The following HK3 variants were observed in gnomAD, a reference collection of about 807,000 sequenced individuals.
The protein encoded by HK3 is hexokinase 3.
Under a neutral mutation model 91.0 loss-of-function variants are expected in HK3, and 93 were observed. That is an observed-to-expected ratio of 1.02 (90% CI 0.86 to 1.21). The LOEUF is 1.21. Ranked by LOEUF, HK3 falls within the 50% of genes most tolerant of loss-of-function variation. The pLI is 0.00. For missense variants in HK3, 1,235 were observed against 1,247.4 expected (o/e 0.99, Z 0.15); for synonymous variants, 519 against 516.9 (o/e 1.00, Z -0.06).
intron 2 of HK3, among the ~76,000 whole-genome samples, 190 bp from the exon 3 acceptor site, chr5:176,891,740 CCTT>C (rs1758781464): frequency 6.6e-6 from 1 of 152,162 alleles, no homozygotes; most frequent in Non-Finnish European, 1.5e-5. Flanking sequence ...AGAGAACCCA[CCTT>C]CTTCCTCCTC....
intron 1 of HK3, among the ~76,000 whole-genome samples, chr5:176,898,741 C>A (rs532645923): frequency 6.6e-6 from 1 of 152,298 alleles, no homozygotes; most frequent in South Asian, 2.1e-4. Flanking sequence ...TGCCTAAGGG[C>A]CCCGTGGCTT....
At chr5:176,896,294 G>C in intron 1 of HK3, 109 bp from the exon 2 acceptor site, 2 of 525,764 alleles carry the variant, frequency 3.8e-6, no homozygotes, top group Non-Finnish European at 6.7e-6. Context: ...AAGGAAGCTG[G>C]GAGCAGAATT....
intron 8 of HK3, 30 bp from the exon 9 acceptor site, chr5:176,888,894 C>A: frequency 3.1e-6 from 5 of 1,604,848 alleles, no homozygotes; most frequent in Non-Finnish European, 4.3e-6. Flanking sequence ...CTGGAGGAAG[C>A]CTTTTCTAAG....
intron 15 of HK3, 61 bp from the exon 16 acceptor site, chr5:176,882,188 A>G: frequency 6.4e-7 from 1 of 1,561,890 alleles, no homozygotes; most frequent in Middle Eastern, 1.8e-4. Context: ...CCCTCTGAGC[A>G]CTTCCCATAC....
rs1208452633 is a variant in HK3 at position 176,887,115 on chromosome 5, C to G, written c.1744G>C (p.Asp582His). ...TCCACGATGCAGTCCACGATGTGGT[C>G]AAAGAGCTGTGGGGCAGGACAGGTC... ...VAQGSGQQLFDHIVDCIVDFQ... is the reference protein window; with the variant it reads ...VAQGSGQQLFHHIVDCIVDFQ... The change falls in exon 13 of 19, where the codon GAC becomes CAC. Residue 582 changes from aspartate to histidine, a missense_variant. By Grantham distance (81) the Asp-to-His change is moderately conservative. Coordinates refer to ENST00000292432, the MANE Select transcript of HK3 (RefSeq NM_002115.3). This position sits in a 1 kb window ranked among gnomAD's most constrained non-coding sequence, Gnocchi z 4.9. 1 of 1,614,052 alleles carries G rather than the reference C, an allele frequency of 6.2e-7. No individual in the cohort carries two copies. The highest frequency in any genetic ancestry group is 1.3e-5 in the African/African-American group (1 of 74,948).
intron 2 of HK3, among the ~76,000 whole-genome samples, chr5:176,892,075 C>G (rs959602545): frequency 1.3e-5 from 2 of 152,136 alleles, no homozygotes; most frequent in Non-Finnish European, 2.9e-5. Flanking sequence ...TCATCCTTCC[C>G]AAAACATTGC....
intron 1 of HK3, among the ~76,000 whole-genome samples, chr5:176,898,015 G>C (rs991387130): frequency 6.6e-6 from 1 of 152,070 alleles, no homozygotes. Flanking sequence ...TCACTCACAC[G>C]GCCGTTCGGG....
chr5:176,889,309 C>G (rs1758694436), intron 8 of HK3, 72 bp downstream of exon 8: 2 of 1,505,866 alleles, frequency 1.3e-6, no homozygotes, highest in African/African-American at 2.8e-5. Flanking sequence ...AGAACAGGGA[C>G]AGAAGGGGTT....
In HK3 at chr5:176,887,555, G is replaced by A. The variant is rs755546220; in HGVS notation, c.1496C>T (p.Ala499Val). ...PFRLNHDQLA[A>V]VQAQMRKAMA... ...GGCCTTCCGCATCTGTGCCTGAACC[G>A]CAGCCAGTTGATCATGGTTCAACCG... Residue 499 changes from alanine (A) to valine (V), a missense_variant, in exon 11 of 19, where the codon GCG (alanine) becomes GTG (valine). Coordinates refer to ENST00000292432, the MANE Select transcript of HK3 (RefSeq NM_002115.3). This position sits in a 1 kb window ranked among gnomAD's most constrained non-coding sequence, Gnocchi z 4.9. The A allele has an allele frequency of 9.2e-5, 149 of 1,613,742 alleles. No homozygotes were observed. The highest frequency in any genetic ancestry group is 1.6e-4 in the East Asian group (7 of 44,880).
At chr5:176,888,204 G>C (rs1758653637) in intron 10 of HK3, 128 bp downstream of exon 10, 2 of 756,054 alleles carry the variant, frequency 2.6e-6, no homozygotes, top group Non-Finnish European at 4.5e-6. Flanking sequence ...GCTCAGTCTG[G>C]CCCTCCCTCT....
At chr5:176,889,786 GCCAGAGGAGGGAAT>G in intron 6 of HK3, 42 bp from the exon 7 acceptor site, 2 of 1,565,520 alleles carry the variant, frequency 1.3e-6, no homozygotes, top group Non-Finnish European at 1.8e-6. Flanking sequence ...GGCCTGAGTG[GCCAGAGGAGGGAAT>G]CCAGGGGATG....
In HK3 at chr5:176,887,190, G is replaced by A. The variant is rs755607116; in HGVS notation, c.1737+11C>T. 1 of 1,614,196 alleles carries A rather than the reference G, an allele frequency of 6.2e-7. No homozygotes were observed. The highest frequency in any genetic ancestry group is 8.5e-7 in the Non-Finnish European group (1 of 1,180,040). On this transcript the variant is annotated intron_variant, in intron 12 of 18. Coordinates refer to ENST00000292432, the MANE Select transcript of HK3 (RefSeq NM_002115.3). This position sits in a 1 kb window ranked among gnomAD's most constrained non-coding sequence, Gnocchi z 4.9. ...CCCCACCTCTGACATCAAGGTTCAGGCTGTGGGTACCTGCTGCCCAGAACC... is the reference window on the plus strand; with the variant it reads ...CCCCACCTCTGACATCAAGGTTCAGACTGTGGGTACCTGCTGCCCAGAACC...
intron 2 of HK3, 34 bp from the exon 3 acceptor site, chr5:176,891,584 C>A: frequency 6.3e-7 from 1 of 1,588,288 alleles, no homozygotes; most frequent in South Asian, 1.2e-5. Flanking sequence ...TGGGAAGGAG[C>A]ACCATTGGGC....
At chr5:176,885,546 C>T (rs771086759) in intron 13 of HK3, among the ~76,000 whole-genome samples, 16 of 151,984 alleles carry the variant, frequency 1.1e-4, no homozygotes, top group Non-Finnish European at 2.1e-4. Flanking sequence ...CTCAGCCTCC[C>T]GAGTAGCTGG....
Position 176,890,711 on chromosome 5 carries a change from G to C in HK3, c.554C>G (p.Thr185Ser), listed in dbSNP as rs746216187. ...CACACCACTGCACCTAAAACCTTTG[G>C]TCCAGGAAATGAGGGTGCTCTGGAG... is the stretch of plus-strand genomic sequence containing the variant. Reference protein sequence around the residue: ...GLDRSTLISWTKGFRCSGVEG... With the variant: ...GLDRSTLISWSKGFRCSGVEG... The change falls in exon 6 of 19, where the codon ACC becomes AGC. Residue 185 changes from threonine (T) to serine (S), a missense_variant. Transcript: ENST00000292432. The C allele has an allele frequency of 1.4e-5, 23 of 1,614,026 alleles. No homozygotes were observed. The South Asian group carries it at 2.4e-4, about 17-fold the overall frequency.
Position 176,896,056 on chromosome 5 carries a change from G to T in HK3, c.96+8C>A. 6.2e-7 allele frequency: 1 copy of T among 1,612,206 alleles called. No homozygotes were observed. Among genetic ancestry groups the T allele is most frequent in the South Asian group, 1.1e-5 (1 of 90,998 alleles). The stretch of plus-strand genomic sequence containing the variant: ...AAGCATGAAACAGGAACCCAGTGCT[G>T]AACTTACCAGCTCTGAGCTGTCTGA... On this transcript the variant is annotated splice_region_variant and intron_variant, in intron 2 of 18. Coordinates refer to ENST00000292432, the MANE Select transcript of HK3 (RefSeq NM_002115.3).
At chr5:176,895,338 A>G (rs1758882645) in intron 2 of HK3, among the ~76,000 whole-genome samples, 2 of 152,064 alleles carry the variant, frequency 1.3e-5, no homozygotes, top group South Asian at 4.1e-4. Context: ...CGGCCTCCCA[A>G]AGTGCTGGGA....
chr5:176,889,786 G>T (rs1288193418), intron 6 of HK3, 42 bp from the exon 7 acceptor site: 2 of 1,565,398 alleles, frequency 1.3e-6, no homozygotes, highest in East Asian at 2.2e-5. Context: ...GGCCTGAGTG[G>T]CCAGAGGAGG....
At chr5:176,891,845 T>A (rs1758784577) in intron 2 of HK3, among the ~76,000 whole-genome samples, 1 of 152,222 alleles carries the variant, frequency 6.6e-6, no homozygotes, top group African/African-American at 2.4e-5. Flanking sequence ...CAAGACCTTC[T>A]TCCTGCCATA....
Sources: gnomAD v4.1 joint callset for allele counts (sites outside exome capture counted in the v4.1 genomes callset) on GRCh38, gnomAD v4.1.1 for gene constraint, Gnocchi (gnomAD v3.1) non-coding constraint, MANE v1.5 for transcripts, NCBI Gene and HGNC (gene_info 2026-07-23, HGNC 2026-07-21) for gene names.